Variants in NMNAT3 observed in about 807,000 individuals in gnomAD.
NMNAT3 encodes the protein nicotinamide/nicotinic acid mononucleotide adenylyltransferase 3.
A neutral mutation model predicts 24.8 loss-of-function variants in NMNAT3; 21 were observed. The observed-to-expected ratio is 0.85, with a 90% CI of 0.60 to 1.22. NMNAT3 has a LOEUF of 1.22. Among genes scored for constraint, NMNAT3 ranks in the 50% most tolerant of loss-of-function variants. The pLI is 0.00. For synonymous variants in NMNAT3, 136 were observed against 155.2 expected, an observed-to-expected ratio of 0.88 and a Z score of 0.92; for missense variants, 387 against 436.6, an observed-to-expected ratio of 0.89 and a Z score of 1.01.
chr3:139,611,037 G>A (rs376357852), intron 3 of NMNAT3, among the ~76,000 whole-genome samples: 95 of 4,136 alleles, frequency 0.023, no homozygotes, highest in African/African-American at 0.03. Context: ...GGTGAGGATG[G>A]GGGGGGTGGT....
rs757341616 is a variant in NMNAT3 at position 139,561,072 on chromosome 3, A to G, written c.979T>C (p.Tyr327His). 6.2e-7 allele frequency: 1 copy of G among 1,614,002 alleles called. No individual in the cohort carries two copies. Among genetic ancestry groups the G allele is most frequent in the Admixed American group, 1.7e-5 (1 of 60,020 alleles). ...CCTTTCCAGGTACTGCCCTTGGTGT[A>G]GAGGCCATGGTCCTTGATGTACGTG... The change falls in exon 7 of 7, where the codon TAC becomes CAC. Residue 327 changes from tyrosine (Y) to histidine (H), a missense_variant. This residue lies in a region of NMNAT3 where 323 missense variants were observed against 345.2 expected (regional missense o/e 0.94). Transcript: ENST00000643695.
chr3:139,631,507 C>T, intron 2 of NMNAT3, among the ~76,000 whole-genome samples: 1 of 152,104 alleles, frequency 6.6e-6, no homozygotes, highest in Admixed American at 6.5e-5. Context: ...GAAGGCTTCT[C>T]ATCAATAAGC....
intron 3 of NMNAT3, among the ~76,000 whole-genome samples, chr3:139,586,590 C>T (rs986972149): frequency 6.6e-6 from 1 of 152,136 alleles, no homozygotes; most frequent in Non-Finnish European, 1.5e-5. Flanking sequence ...GCAAGGAGGT[C>T]ATATTCAGTT....
intron 3 of NMNAT3, among the ~76,000 whole-genome samples, chr3:139,624,235 A>G (rs925087985): frequency 3.9e-5 from 6 of 151,950 alleles, no homozygotes; most frequent in African/African-American, 1.2e-4. Context: ...GGCATCCTAA[A>G]TTTTTTATAT....
At chr3:139,665,916 T>A (rs2108441246) in intron 1 of NMNAT3, among the ~76,000 whole-genome samples, 1 of 152,326 alleles carries the variant, frequency 6.6e-6, no homozygotes, top group East Asian at 1.9e-4. Context: ...GCAGTGATTG[T>A]CTATGGGGAG....
At chr3:139,579,192 G>A in intron 4 of NMNAT3, 137 bp from the exon 5 acceptor site, 2 of 700,768 alleles carry the variant, frequency 2.9e-6, no homozygotes, top group Non-Finnish European at 2.4e-6. Context: ...TCATGGGGGA[G>A]AAAGGGTAGC....
chr3:139,670,489 T>A (rs1238462907), intron 1 of NMNAT3, among the ~76,000 whole-genome samples: 1 of 152,236 alleles, frequency 6.6e-6, no homozygotes, highest in Admixed American at 6.5e-5. Context: ...CTTTTGCTAG[T>A]GCTTCCTGGG....
chr3:139,639,345 A>G (rs1263435475), intron 1 of NMNAT3, among the ~76,000 whole-genome samples: 2 of 152,228 alleles, frequency 1.3e-5, no homozygotes, highest in Non-Finnish European at 2.9e-5. Flanking sequence ...ATGTTTCTGC[A>G]TGTCTTTCAA....
intron 3 of NMNAT3, among the ~76,000 whole-genome samples, chr3:139,592,843 G>T (rs575005322): frequency 1.1e-3 from 168 of 152,142 alleles, no homozygotes; most frequent in African/African-American, 3.0e-3. Context: ...AAGGAACAAC[G>T]GGTACCAGCC....
At chr3:139,587,266 G>T (rs150969445) in intron 3 of NMNAT3, among the ~76,000 whole-genome samples, 1 of 152,136 alleles carries the variant, frequency 6.6e-6, no homozygotes, top group Non-Finnish European at 1.5e-5. Flanking sequence ...CAGTCAGCAG[G>T]TGCCTGGGCT....
At chr3:139,648,703 A>T (rs1043927565) in intron 1 of NMNAT3, among the ~76,000 whole-genome samples, 1 of 152,190 alleles carries the variant, frequency 6.6e-6, no homozygotes, top group African/African-American at 2.4e-5. Flanking sequence ...CTGTCCTCTG[A>T]AGGTTTATCT....
intron 1 of NMNAT3, among the ~76,000 whole-genome samples, chr3:139,666,071 G>C (rs1403566545): frequency 1.3e-5 from 2 of 152,134 alleles, no homozygotes; most frequent in African/African-American, 4.8e-5. Context: ...CATTCCAGGT[G>C]GTTCTCAGAG....
At chr3:139,609,518 C>T (rs978309070) in intron 3 of NMNAT3, among the ~76,000 whole-genome samples, 5 of 152,108 alleles carry the variant, frequency 3.3e-5, no homozygotes, top group African/African-American at 1.2e-4. Context: ...TGTGCTTATC[C>T]GCTATCTGTG....
At chr3:139,670,146 T>C (rs1437385837) in intron 1 of NMNAT3, among the ~76,000 whole-genome samples, 1 of 152,234 alleles carries the variant, frequency 6.6e-6, no homozygotes, top group Non-Finnish European at 1.5e-5. Flanking sequence ...TAGCAGGGAA[T>C]TGTGGACTTG....
chr3:139,575,844 G>A (rs1406843048), intron 5 of NMNAT3: 1 of 1,232,308 alleles, frequency 8.1e-7, no homozygotes, highest in Non-Finnish European at 1.0e-6. Context: ...TGTGGGAGGT[G>A]TAAAGCCAGC....
At chr3:139,627,591 T>C (rs1187366652) in intron 3 of NMNAT3, 25 bp downstream of exon 4, 2 of 1,406,840 alleles carry the variant, frequency 1.4e-6, no homozygotes, top group Middle Eastern at 1.8e-4. Flanking sequence ...AGTTCTTCTG[T>C]TGGACTCAGG....
chr3:139,670,397 G>T (rs749477758), intron 1 of NMNAT3, among the ~76,000 whole-genome samples: 17 of 152,200 alleles, frequency 1.1e-4, no homozygotes, highest in Admixed American at 2.6e-4. Flanking sequence ...CGCTGGCTCT[G>T]GAGATCCCCA....
intron 3 of NMNAT3, among the ~76,000 whole-genome samples, chr3:139,622,362 A>G (rs1467744483): frequency 6.6e-6 from 1 of 150,610 alleles, no homozygotes; most frequent in African/African-American, 2.5e-5. Flanking sequence ...CATATACCTG[A>G]TGGACGATTG....
intron 1 of NMNAT3, among the ~76,000 whole-genome samples, chr3:139,676,234 T>C (rs1461534770): frequency 6.6e-6 from 1 of 152,212 alleles, no homozygotes; most frequent in African/African-American, 2.4e-5. Flanking sequence ...TTTCTTTGTC[T>C]ACAACAATGT....
Sources: allele counts gnomAD v4.1 joint callset (sites outside exome capture counted in the v4.1 genomes callset), GRCh38; gene constraint gnomAD v4.1.1; regional missense constraint gnomAD v4.1.1; transcripts MANE v1.5; gene names NCBI Gene and HGNC (gene_info 2026-07-23, HGNC 2026-07-21).